The following TYW5 variants were observed in gnomAD, a reference collection of about 807,000 sequenced individuals.
TYW5 encodes tRNA wybutosine-synthesizing protein 5.
TYW5 carries 36 observed loss-of-function variants against 44.4 expected under a neutral mutation model. The ratio of observed to expected loss-of-function variants is 0.81; its 90% CI spans 0.62 to 1.07. The LOEUF is 1.07. Among genes scored for constraint, TYW5 ranks in the 50% least tolerant of loss-of-function variants. The pLI is 0.00. For missense variants in TYW5, 354 were observed against 365.7 expected (o/e 0.97, Z 0.26); for synonymous variants, 121 against 128.1 (o/e 0.94, Z 0.37).
intron 1 of TYW5, among the ~76,000 whole-genome samples, chr2:199,954,937 G>T (rs1288500885): frequency 6.6e-6 from 1 of 152,086 alleles, no homozygotes; most frequent in African/African-American, 2.4e-5. Context: ...TTCTTTTAAA[G>T]ACCTAAGGTT....
At chr2:199,939,146 G>A (rs2077444325) in intron 4 of TYW5, 76 bp from the exon 5 acceptor site, 2 of 1,341,844 alleles carry the variant, frequency 1.5e-6, no homozygotes, top group Non-Finnish European at 2.0e-6. Flanking sequence ...GCAAAACTTT[G>A]TTCACTGCTT....
At chr2:199,952,706 T>C (rs553641535) in intron 1 of TYW5, among the ~76,000 whole-genome samples, 2 of 152,364 alleles carry the variant, frequency 1.3e-5, no homozygotes, top group East Asian at 3.9e-4. Flanking sequence ...TTTTGAGTCA[T>C]AGCTAGAAAT....
chr2:199,941,597 T>C (rs750270403), intron 3 of TYW5, among the ~76,000 whole-genome samples: 10 of 152,234 alleles, frequency 6.6e-5, no homozygotes, highest in Non-Finnish European at 1.0e-4. Context: ...CCACATCACA[T>C]AGATTCTATA....
In TYW5 at chr2:199,939,003, T is replaced by G; in HGVS notation, c.416A>C (p.Lys139Thr). The change falls in exon 5 of 8, where the codon AAA becomes ACA. Residue 139 changes from lysine to threonine, a missense_variant. Lys to Thr is a moderately conservative substitution (Grantham distance 78). Transcript: ENST00000354611. Reference protein sequence around the residue: ...KGDIKFPEFFKEEQFFSSVFR... With the variant: ...KGDIKFPEFFTEEQFFSSVFR... ...AACACTGGAAAAGAACTGTTCCTCT[T>G]TGAAGAATTCTGGAAACTTAATATC... 6.2e-7 allele frequency: 1 copy of G among 1,613,792 alleles called. No individual in the cohort carries two copies. The highest frequency in any genetic ancestry group is 1.7e-5 in the Admixed American group (1 of 59,980).
intron 3 of TYW5, chr2:199,943,359 T>C (rs2077480181): frequency 6.3e-6 from 1 of 158,818 alleles, no homozygotes. Flanking sequence ...TCAATAGATA[T>C]GAAAATGAAG....
At position 199,936,388 on chromosome 2, in the gene TYW5, T is replaced by TAAAA. The variant is rs769440901; in HGVS notation, c.574+13_574+16dup. ...TGAATAGACTTTTGAAATATAAACT[T>TAAAA]AAAAAAAATCCCATACCTTTTAAAT... On this transcript the variant is annotated intron_variant, in intron 6 of 7. Coordinates refer to ENST00000354611, the MANE Select transcript of TYW5 (RefSeq NM_001039693.3). 1 of 1,595,072 alleles carries TAAAA rather than the reference T, an allele frequency of 6.3e-7. No individual in the cohort carries two copies. Among genetic ancestry groups the TAAAA allele is most frequent in the South Asian group, 1.1e-5 (1 of 88,632 alleles).
chr2:199,951,427 T>G (rs1480501647), intron 1 of TYW5, among the ~76,000 whole-genome samples: 1 of 152,332 alleles, frequency 6.6e-6, no homozygotes, highest in East Asian at 1.9e-4. Context: ...ATATTCTATA[T>G]TAGGGTCTTT....
intron 1 of TYW5, among the ~76,000 whole-genome samples, chr2:199,951,574 A>G (rs775586214): frequency 2.0e-5 from 3 of 152,254 alleles, no homozygotes; most frequent in Middle Eastern, 3.4e-3. Context: ...CACATCCCCT[A>G]TGCATAACTG....
intron 7 of TYW5, among the ~76,000 whole-genome samples, chr2:199,935,719 AACAC>A (rs142361195): frequency 0.11 from 15,057 of 137,904 alleles, 869 homozygotes; most frequent in Non-Finnish European, 0.15. Context: ...GCCTGCTTTA[AACAC>A]ACACACACAC....
At position 199,938,974 on chromosome 2, in the gene TYW5, GAA is replaced by G; in HGVS notation, c.443_444del (p.Phe148SerfsTer3). Reference protein sequence around the residue: ...FKEEQFFSSVFRISSPGLQLW... With the variant: ...FKEEQFFSSVXRISSPGLQLW... ...AGTTGTAATCCTGGTGAACTAATTCGAAAAACACTGGAAAAGAACTGTTCCTC... is the reference window on the plus strand; with the variant it reads ...AGTTGTAATCCTGGTGAACTAATTCGAAACACTGGAAAAGAACTGTTCCTC... On this transcript the variant is annotated frameshift_variant, in exon 5 of 8. Coordinates refer to ENST00000354611, the MANE Select transcript of TYW5 (RefSeq NM_001039693.3). LOFTEE classifies it high-confidence loss of function. 1 of 1,613,132 alleles carries G rather than the reference GAA, an allele frequency of 6.2e-7. No homozygotes were observed. The highest frequency in any genetic ancestry group is 1.1e-5 in the South Asian group (1 of 90,986).
rs371993822 is a variant in TYW5, at chr2:199,940,101, T to C, written c.336A>G (p.Glu112=). The C allele has an allele frequency of 1.5e-5, 24 of 1,612,790 alleles. No homozygotes were observed. The African/African-American group carries it at 3.2e-4, about 22-fold the overall frequency. ...TTAGAATTCTTACCTTTCTAGGGTC[T>C]TCTCCAAGTGACCGTAAGTAGTATT... ...DEKYYLRSLG[E]DPRKDVADIR... Residue 112 remains glutamate (E), a synonymous_variant, in exon 4 of 8, where the codon GAA becomes GAG. Coordinates refer to ENST00000354611, the MANE Select transcript of TYW5 (RefSeq NM_001039693.3).
chr2:199,948,466 G>GT lies in TYW5; in HGVS notation c.84dup (p.Pro29ThrfsTer8). 1 of 1,613,816 alleles carries GT rather than the reference G, an allele frequency of 6.2e-7. No homozygotes were observed. Among genetic ancestry groups the GT allele is most frequent in the South Asian group, 1.1e-5 (1 of 91,012 alleles). ...AAATCAATCCCTTCCAACACAAGAGGTTTTCTCTGTAAGTGGGGAAAGAAA... is the reference window on the plus strand; with the variant it reads ...AAATCAATCCCTTCCAACACAAGAGGTTTTTCTCTGTAAGTGGGGAAAGAAA... On this transcript the variant is annotated frameshift_variant, in exon 2 of 8. Transcript: ENST00000354611. LOFTEE classifies it high-confidence loss of function.
In TYW5 at chr2:199,943,782, CTTTATG is replaced by C; in HGVS notation, c.280_285del (p.His94_Lys95del). ...GCAATTACCTCTGAAACAAAGAATTCTTTATGTTTCTCTTCAGCTGCCCTCTGGACC... is the reference window on the plus strand; with the variant it reads ...GCAATTACCTCTGAAACAAAGAATTCTTTCTCTTCAGCTGCCCTCTGGACC... On this transcript the variant is annotated inframe_deletion, in exon 3 of 8. Transcript: ENST00000354611. 6.2e-7 allele frequency: 1 copy of C among 1,610,016 alleles called. No individual in the cohort carries two copies. Among genetic ancestry groups the C allele is most frequent in the Non-Finnish European group, 8.5e-7 (1 of 1,179,086 alleles).
intron 6 of TYW5, 68 bp downstream of exon 6, chr2:199,936,337 T>C (rs2077420388): frequency 4.6e-6 from 6 of 1,313,312 alleles, no homozygotes; most frequent in Non-Finnish European, 3.2e-6. Context: ...CCTATAAGAA[T>C]CAAGAGATTT....
intron 7 of TYW5, among the ~76,000 whole-genome samples, chr2:199,935,487 A>C (rs2077411305): frequency 1.3e-5 from 2 of 151,650 alleles, no homozygotes; most frequent in Non-Finnish European, 2.9e-5. Flanking sequence ...GGACGTACAG[A>C]TGCACACCAC....
chr2:199,944,390 A>G (rs1046754251), intron 2 of TYW5: 1 of 152,416 alleles, frequency 6.6e-6, no homozygotes, highest in Non-Finnish European at 1.5e-5. Context: ...CTTCTGAAGA[A>G]TAGCTCAAGG....
rs1345979353 is a variant in TYW5 at position 199,931,951 on chromosome 2, C to CT, written c.*1115dup. ...TTTATTCATTCTTTAAGTAATTTTT[C>CT]TTTTAAAAAAGGGATAGGTGGAAAA... is the stretch of plus-strand genomic sequence containing the variant. On this transcript the variant is annotated 3_prime_UTR_variant, in exon 8 of 8. Coordinates refer to ENST00000354611, the MANE Select transcript of TYW5 (RefSeq NM_001039693.3). 1 of 152,008 alleles carries CT rather than the reference C, an allele frequency of 6.6e-6. No homozygotes were observed. Among genetic ancestry groups the CT allele is most frequent in the East Asian group, 1.9e-4 (1 of 5,192 alleles). The allele number at this position is 152,008 out of a possible 1,614,324, so 9.4% of individuals were successfully genotyped here.
intron 1 of TYW5, among the ~76,000 whole-genome samples, chr2:199,949,742 T>C (rs2077530671): frequency 6.6e-6 from 1 of 152,220 alleles, no homozygotes; most frequent in African/African-American, 2.4e-5. Context: ...TAGCACACGA[T>C]GTTTTGCTAT....
intron 1 of TYW5, among the ~76,000 whole-genome samples, chr2:199,951,262 G>A (rs2077542625): frequency 2.0e-5 from 3 of 152,096 alleles, no homozygotes; most frequent in Non-Finnish European, 4.4e-5. Context: ...TACTGAGAAC[G>A]TTAAATGAGG....
Sources: gnomAD v4.1 joint callset for allele counts (sites outside exome capture counted in the v4.1 genomes callset) on GRCh38, gnomAD v4.1.1 for gene constraint, MANE v1.5 for transcripts, NCBI Gene and HGNC (gene_info 2026-07-23, HGNC 2026-07-21) for gene names.